The following ERICH1 variants were observed in gnomAD, a reference collection of about 807,000 sequenced individuals.
ERICH1 encodes glutamate rich 1.
Under a neutral mutation model 39.6 loss-of-function variants are expected in ERICH1, and 56 were observed. The observed-to-expected ratio is 1.41, with a 90% confidence interval of 1.14 to 1.77. ERICH1 has a LOEUF of 1.77. Ranked by LOEUF, ERICH1 falls within the 40% of genes most tolerant of loss-of-function variation. ERICH1 has a pLI of 0.00. For synonymous variants in ERICH1, 313 were observed against 223.6 expected (o/e 1.40, Z -3.57); for missense variants, 826 against 575.4 (o/e 1.44, Z -4.45).
intron 3 of ERICH1, among the ~76,000 whole-genome samples, chr8:632,800 G>A (rs1279831101): frequency 6.6e-6 from 1 of 152,166 alleles, no homozygotes; most frequent in Non-Finnish European, 1.5e-5. Context: ...TTGCCCTGGG[G>A]GACATTTGGC....
At chr8:688,725 T>A (rs1452727643) in intron 3 of ERICH1, among the ~76,000 whole-genome samples, 1 of 151,874 alleles carries the variant, frequency 6.6e-6, no homozygotes, top group African/African-American at 2.4e-5. Flanking sequence ...AAACTGGAGG[T>A]CAAAGGAAAC....
At chr8:722,829 G>C (rs1817637346) in intron 1 of ERICH1, among the ~76,000 whole-genome samples, 1 of 152,190 alleles carries the variant, frequency 6.6e-6, no homozygotes, top group African/African-American at 2.4e-5. Flanking sequence ...TCAAAATGTG[G>C]CTGCTCAGGA....
chr8:635,315 C>G (rs1003741701), intron 3 of ERICH1, among the ~76,000 whole-genome samples: 1 of 152,214 alleles, frequency 6.6e-6, no homozygotes, highest in Admixed American at 6.5e-5. Flanking sequence ...TGGAGCCCCC[C>G]ACACGGGTTT....
chr8:652,520 T>C (rs1800105342), intron 3 of ERICH1, among the ~76,000 whole-genome samples: 2 of 152,222 alleles, frequency 1.3e-5, no homozygotes, highest in South Asian at 4.1e-4. Flanking sequence ...ACACCTGCTG[T>C]TTCCGCATAA....
chr8:695,790 A>G (rs77115156), intron 2 of ERICH1, among the ~76,000 whole-genome samples: 182 of 64,020 alleles, frequency 2.8e-3, no homozygotes, highest in Admixed American at 3.8e-3. Context: ...CTCCCCATCA[A>G]CCTGCACCTG....
chr8:722,725 C>G (rs571082597), intron 1 of ERICH1, among the ~76,000 whole-genome samples: 32 of 152,282 alleles, frequency 2.1e-4, no homozygotes, highest in African/African-American at 7.7e-4. Context: ...CCCTTATAAA[C>G]TGGTGTCTGT....
chr8:715,256 C>T (rs946143022), intron 2 of ERICH1, among the ~76,000 whole-genome samples: 1 of 152,044 alleles, frequency 6.6e-6, no homozygotes, highest in East Asian at 1.9e-4. Context: ...TGGTCTATTC[C>T]CGTGTCTCTC....
At chr8:689,017 C>T (rs1007713175) in intron 3 of ERICH1, among the ~76,000 whole-genome samples, 3 of 152,250 alleles carry the variant, frequency 2.0e-5, no homozygotes, top group Admixed American at 6.5e-5. Flanking sequence ...TTTGATTAAT[C>T]TGCAATAAAA....
chr8:694,309 C>T (rs1314404391), intron 2 of ERICH1, among the ~76,000 whole-genome samples: 1 of 152,208 alleles, frequency 6.6e-6, no homozygotes, highest in African/African-American at 2.4e-5. Context: ...GAGATGGCTT[C>T]TAAGTACACT....
intron 2 of ERICH1, among the ~76,000 whole-genome samples, chr8:697,785 G>A (rs1158652300): frequency 6.6e-5 from 10 of 152,038 alleles, no homozygotes; most frequent in East Asian, 3.9e-4. Context: ...GAGCAGATTC[G>A]GGACATGCAG....
intron 1 of ERICH1, among the ~76,000 whole-genome samples, chr8:716,355 A>C (rs1376579026): frequency 6.6e-6 from 1 of 152,230 alleles, no homozygotes. Flanking sequence ...CATGCAGGCC[A>C]TGACCCCTGT....
intron 2 of ERICH1, among the ~76,000 whole-genome samples, chr8:702,535 G>C (rs1812390551): frequency 6.6e-6 from 1 of 152,194 alleles, no homozygotes; most frequent in East Asian, 1.9e-4. Flanking sequence ...AGCCAAGACG[G>C]AAAAGTCTTG....
chr8:729,433 G>A (rs910857168), intron 1 of ERICH1, among the ~76,000 whole-genome samples: 1 of 152,274 alleles, frequency 6.6e-6, no homozygotes, highest in South Asian at 2.1e-4. Context: ...TGCAAGCCAC[G>A]CAGAAGGGAA....
At chr8:681,660 A>G (rs1806145395) in intron 3 of ERICH1, among the ~76,000 whole-genome samples, 1 of 152,234 alleles carries the variant, frequency 6.6e-6, no homozygotes, top group African/African-American at 2.4e-5. Context: ...TGGTTCATTC[A>G]GACAGACCTG....
intron 3 of ERICH1, chr8:626,652 G>C (rs1797608020): frequency 6.2e-6 from 1 of 160,608 alleles, no homozygotes; most frequent in Non-Finnish European, 1.4e-5. Flanking sequence ...CCTAAACATG[G>C]AACTGTGGCT....
intron 2 of ERICH1, among the ~76,000 whole-genome samples, chr8:699,280 G>A (rs963343639): frequency 7.9e-5 from 12 of 152,130 alleles, no homozygotes; most frequent in African/African-American, 2.9e-4. Context: ...CTGGCAAAAT[G>A]CTACCGGGGG....
At chr8:617,165 G>A (rs1032244472) in intron 3 of ERICH1, among the ~76,000 whole-genome samples, 1 of 152,108 alleles carries the variant, frequency 6.6e-6, no homozygotes, top group African/African-American at 2.4e-5. Flanking sequence ...GTCCACTCAG[G>A]GCACAGGCGG....
chr8:641,442 G>A (rs1463789449), intron 3 of ERICH1, among the ~76,000 whole-genome samples: 1 of 152,186 alleles, frequency 6.6e-6, no homozygotes, highest in Non-Finnish European at 1.5e-5. Flanking sequence ...GAAATCTTGA[G>A]GAAATTTATG....
At chr8:616,900 C>G (rs372001913) in intron 3 of ERICH1, among the ~76,000 whole-genome samples, 159 of 10,318 alleles carry the variant, frequency 0.015, 12 homozygotes, top group African/African-American at 0.15. Context: ...CACACACACA[C>G]ACAGAGAGAG....
Sources: gnomAD v4.1 joint callset for allele counts (sites outside exome capture counted in the v4.1 genomes callset) on GRCh38, gnomAD v4.1.1 for gene constraint, MANE v1.5 for transcripts, NCBI Gene and HGNC (gene_info 2026-07-23, HGNC 2026-07-21) for gene names.